RYR2: variants seen among roughly 807,000 people sequenced by gnomAD.
RYR2 encodes the protein ryanodine receptor 2, also known as cardiac muscle ryanodine receptor-calcium release channel.
A neutral mutation model predicts 601.1 loss-of-function variants in RYR2; 227 were observed. The observed-to-expected ratio is 0.38, with a 90% CI of 0.34 to 0.42. The LOEUF (loss-of-function observed/expected upper bound fraction) is 0.42, where lower values mean the gene tolerates loss of function less well. Among genes scored for constraint, RYR2 ranks in the 10% least tolerant of loss-of-function variants. RYR2 has a pLI of 1.00. For synonymous variants in RYR2, 2,223 were observed against 2,175.1 expected, an observed-to-expected ratio of 1.02 and a Z score of -0.61; for missense variants, 4,646 against 6,156.5, an observed-to-expected ratio of 0.75 and a Z score of 8.21.
intron 3 of RYR2, among the ~76,000 whole-genome samples, chr1:237,351,396 A>T (rs140111829): frequency 6.6e-6 from 1 of 152,122 alleles, no homozygotes; most frequent in African/African-American, 2.4e-5. Flanking sequence ...AATATAAATC[A>T]TTCAAGCCAA....
chr1:237,436,467 T>TTTTTTTTTTTTTC, intron 12 of RYR2, among the ~76,000 whole-genome samples: 1 of 135,966 alleles, frequency 7.4e-6, no homozygotes. Flanking sequence ...TTTTTTTTTT[T>TTTTTTTTTTTTTC]TTTTTTTTTT....
At chr1:237,416,112 A>C (rs2150023906) in intron 10 of RYR2, among the ~76,000 whole-genome samples, 1 of 152,340 alleles carries the variant, frequency 6.6e-6, no homozygotes, top group Non-Finnish European at 1.5e-5. Flanking sequence ...AAAGAAAGTA[A>C]GTCTATTGGA....
chr1:237,290,278 G>T (rs1460877186), intron 2 of RYR2, among the ~76,000 whole-genome samples: 1 of 152,208 alleles, frequency 6.6e-6, no homozygotes, highest in African/African-American at 2.4e-5. Flanking sequence ...TATACCAAAT[G>T]ATTCCATGTA....
intron 92 of RYR2, among the ~76,000 whole-genome samples, chr1:237,788,544 T>A (rs1657932041): frequency 6.6e-6 from 1 of 152,142 alleles, no homozygotes; most frequent in Non-Finnish European, 1.5e-5. Flanking sequence ...TTCTATAACA[T>A]CACCGTTTTA....
At position 237,731,903 on chromosome 1, in the gene RYR2, C is replaced by CACACACAA; in HGVS notation, c.10936-136_10936-135insAACACACA. On this transcript the variant is annotated intron_variant, in intron 77 of 104. Transcript: ENST00000366574. ...AATGCATATAAAATACACACACACACACACACACACACACACCCCACAACA... is the reference window on the plus strand; with the variant it reads ...AATGCATATAAAATACACACACACACACACACAAACACACACACACACACCCCACAACA... 3 of 582,356 alleles carry CACACACAA rather than the reference C, an allele frequency of 5.2e-6. No individual in the cohort carries two copies. In the South Asian group the frequency reaches 6.5e-5, roughly 13 times the overall value. The allele number at this position is 582,356 out of a possible 1,614,324, so 36.1% of individuals were successfully genotyped here. A position where few individuals can be genotyped will look rare whatever the true frequency, so the allele number is the denominator to read the frequency against.
At chr1:237,049,343 C>T (rs1160662074) in intron 1 of RYR2, among the ~76,000 whole-genome samples, 1 of 152,114 alleles carries the variant, frequency 6.6e-6, no homozygotes, top group Non-Finnish European at 1.5e-5. Context: ...CAGTTTCATC[C>T]CCTTACTTTC....
At chr1:237,770,985 C>G in intron 85 of RYR2, 98 bp downstream of exon 85, 1 of 637,142 alleles carries the variant, frequency 1.6e-6, no homozygotes, top group Non-Finnish European at 2.6e-6. Context: ...ATGCATCGTT[C>G]TAGAGACAAC....
intron 1 of RYR2, among the ~76,000 whole-genome samples, chr1:237,134,305 C>T (rs1672514568): frequency 6.6e-6 from 1 of 152,078 alleles, no homozygotes. Context: ...TGTATTTGTC[C>T]ATGTTCATGC....
At chr1:237,564,622 T>C (rs1450341197) in intron 27 of RYR2, among the ~76,000 whole-genome samples, 1 of 152,162 alleles carries the variant, frequency 6.6e-6, no homozygotes, top group Admixed American at 6.5e-5. Context: ...TAAAATCTGA[T>C]AGAATTTTTT....
At chr1:237,525,072 A>G (rs1028603991) in intron 24 of RYR2, among the ~76,000 whole-genome samples, 10 of 152,188 alleles carry the variant, frequency 6.6e-5, no homozygotes, top group Non-Finnish European at 1.0e-4. Flanking sequence ...CATTACCTAA[A>G]TAGTCAACAT....
At chr1:237,212,771 G>GTTATTA (rs35584787) in intron 1 of RYR2, among the ~76,000 whole-genome samples, 9 of 151,326 alleles carry the variant, frequency 5.9e-5, no homozygotes, top group East Asian at 3.9e-4. Context: ...ACCATGATTG[G>GTTATTA]TTATTATTAT....
At chr1:237,370,038 TTC>T (rs944220345) in intron 6 of RYR2, among the ~76,000 whole-genome samples, 40 of 152,226 alleles carry the variant, frequency 2.6e-4, no homozygotes, top group African/African-American at 9.1e-4. Flanking sequence ...TTCACCAGGT[TTC>T]TCTTTTACCA....
At position 237,383,417 on chromosome 1, in the gene RYR2, G is replaced by GTTTTTTT. The variant is rs10567644; in HGVS notation, c.577-3840_577-3834dup. Among the ~76,000 whole-genome samples the GTTTTTTT allele has an allele frequency of 1.8e-3, 92 of 50,588 alleles. 7 individuals carry two copies. Among genetic ancestry groups the GTTTTTTT allele is most frequent in the Non-Finnish European group, 2.5e-3 (67 of 26,516 alleles). 33.2% of individuals were successfully genotyped at this position (50,588 alleles called of 152,430 possible). A position where few individuals can be genotyped will look rare whatever the true frequency, so the allele number is the denominator to read the frequency against. ...TTTACATTTTCTTTTCTTTTTTCTT[G>GTTTTTTT]TTTTTTTTTTTTTTTTTTTTTTTTT... On this transcript the variant is annotated intron_variant, in intron 8 of 104. Coordinates refer to ENST00000366574, the MANE Select transcript of RYR2 (RefSeq NM_001035.3).
chr1:237,803,060 C>A (rs559872936), intron 98 of RYR2, among the ~76,000 whole-genome samples: 2 of 152,040 alleles, frequency 1.3e-5, no homozygotes, highest in African/African-American at 2.4e-5. Context: ...GGTTACCAGA[C>A]GAAATTCAGA....
At chr1:237,491,759 C>A (rs1420595446) in intron 17 of RYR2, 47 bp from the exon 18 acceptor site, 1 of 867,390 alleles carries the variant, frequency 1.2e-6, no homozygotes, top group Non-Finnish European at 1.9e-6. Flanking sequence ...TCATTGTACA[C>A]CAATTAATCA....
intron 17 of RYR2, among the ~76,000 whole-genome samples, chr1:237,472,128 G>A (rs1429639547): frequency 6.6e-6 from 1 of 152,142 alleles, no homozygotes; most frequent in Non-Finnish European, 1.5e-5. Context: ...CAGAGGAAGT[G>A]GTGTTGCTTA....
rs1227241969 is a variant in RYR2 at position 237,700,393 on chromosome 1, C to T, written c.9293C>T (p.Thr3098Ile). The T allele has an allele frequency of 1.1e-5, 17 of 1,609,432 alleles. No individual in the cohort carries two copies. In the East Asian group the frequency reaches 1.3e-4, roughly 13 times the overall value. Reference protein sequence around the residue: ...KGVTQIINYTTVALLPMLSSL... With the variant: ...KGVTQIINYTIVALLPMLSSL... Reference sequence around the variant, plus strand: ...GTTACTCAGATTATCAATTACACCACAGTGGCCCTGCTGCCAATGCTGTCT... The same window carrying T: ...GTTACTCAGATTATCAATTACACCATAGTGGCCCTGCTGCCAATGCTGTCT... Residue 3098 changes from threonine to isoleucine, a missense_variant, in exon 65 of 105, where the codon ACA becomes ATA. Coordinates refer to ENST00000366574, the MANE Select transcript of RYR2 (RefSeq NM_001035.3).
chr1:237,735,618 G>A (rs968570566), intron 79 of RYR2, among the ~76,000 whole-genome samples: 2 of 152,160 alleles, frequency 1.3e-5, no homozygotes, highest in Non-Finnish European at 2.9e-5. Flanking sequence ...TCATCTCTCA[G>A]TATTCATGGG....
rs112581119 is a variant in RYR2 at position 237,650,838 on chromosome 1, T to A, written c.7734-573T>A. 4.0e-3 allele frequency among the ~76,000 whole-genome samples: 611 copies of A among 152,314 alleles called. 1 individual carries two copies. Among genetic ancestry groups the A allele is most frequent in the East Asian group, 0.021 (107 of 5,176 alleles). ...GGAAGTGGAAAATCAGAAGAGTAATTCTTTAACTTCCCTAATCTAAGATTC... is the reference window on the plus strand; with the variant it reads ...GGAAGTGGAAAATCAGAAGAGTAATACTTTAACTTCCCTAATCTAAGATTC... On this transcript the variant is annotated intron_variant, in intron 50 of 104. Transcript: ENST00000366574.
Sources: allele counts gnomAD v4.1 joint callset (sites outside exome capture counted in the v4.1 genomes callset), GRCh38; gene constraint gnomAD v4.1.1; transcripts MANE v1.5; gene names NCBI Gene and HGNC (gene_info 2026-07-23, HGNC 2026-07-21).